Variants in CABLES1 observed in about 807,000 individuals in gnomAD.
CABLES1 encodes CDK5 and ABL1 enzyme substrate 1.
A neutral mutation model predicts 57.8 loss-of-function variants in CABLES1; 36 were observed. That is an observed-to-expected ratio of 0.62 (90% CI 0.48 to 0.82). The LOEUF is 0.82. CABLES1 is among the 40% of genes least tolerant of loss of function. CABLES1 has a pLI of 0.00. For synonymous variants in CABLES1, 374 were observed against 363.0 expected (o/e 1.03, Z -0.35); for missense variants, 767 against 836.6 (o/e 0.92, Z 1.03).
chr18:23,251,872 T>C (rs1351948742), intron 7 of CABLES1, among the ~76,000 whole-genome samples: 1 of 152,022 alleles, frequency 6.6e-6, no homozygotes, highest in East Asian at 1.9e-4. Flanking sequence ...GATCACCTGA[T>C]GTCAGGAGTT....
intron 1 of CABLES1, among the ~76,000 whole-genome samples, chr18:23,179,730 C>T (rs1428898447): frequency 1.3e-5 from 2 of 152,204 alleles, no homozygotes; most frequent in African/African-American, 4.8e-5. Flanking sequence ...TGCTGCTGGA[C>T]AAAGCTTTAG....
intron 1 of CABLES1, among the ~76,000 whole-genome samples, chr18:23,161,653 G>T (rs193055572): frequency 8.7e-5 from 13 of 150,172 alleles, no homozygotes; most frequent in African/African-American, 2.7e-4. Flanking sequence ...GCTCATGCCC[G>T]TAATCCCAGC....
chr18:23,232,881 T>C (rs1193977580), intron 4 of CABLES1, among the ~76,000 whole-genome samples: 1 of 152,218 alleles, frequency 6.6e-6, no homozygotes, highest in African/African-American at 2.4e-5. Flanking sequence ...CTGTTTTTTT[T>C]TCTATATTGG....
chr18:23,257,257 C>G lies in CABLES1; in HGVS notation c.1792C>G (p.Arg598Gly), dbSNP rs895855617. 6.2e-7 allele frequency: 1 copy of G among 1,611,540 alleles called. No homozygotes were observed. Residue 598 changes from arginine to glycine, a missense_variant, in exon 10 of 10, where the codon CGA becomes GGA. This residue lies in a region of CABLES1 where 15 missense variants were observed against 41.0 expected (regional missense o/e 0.37). Transcript: ENST00000256925. ...GGAAGAGAAGTTCCGGCTGAACAGG[C>G]GAGAACTGATTGCCTTTGAATTCCC... ...KLEEKFRLNRRELIAFEFPVL... is the reference protein window; with the variant it reads ...KLEEKFRLNRGELIAFEFPVL...
At chr18:23,154,686 A>T (rs1204820930) in intron 1 of CABLES1, among the ~76,000 whole-genome samples, 2 of 152,126 alleles carry the variant, frequency 1.3e-5, no homozygotes, top group Admixed American at 6.5e-5. Context: ...AAGGGATTTG[A>T]ACTTTAGAGA....
At position 23,234,643 on chromosome 18, in the gene CABLES1, G is replaced by T. The variant is rs975059300; in HGVS notation, c.1124G>T (p.Gly375Val). Residue 375 changes from glycine to valine, a missense_variant, in exon 5 of 10, where the codon GGT becomes GTT. By Grantham distance (109) the Gly-to-Val change is moderately radical. Transcript: ENST00000256925. ...TTGGACGGAGGAAGACAATCAACTG[G>T]TGCAGTGAGTTTGAAAGAGATCATT... is the stretch of plus-strand genomic sequence containing the variant. The part of the protein sequence containing the change: ...LKLDGGRQST[G>V]AVSLKEIIGL... 1.2e-6 allele frequency: 2 copies of T among 1,613,828 alleles called. No homozygotes were observed. Among genetic ancestry groups the T allele is most frequent in the Non-Finnish European group, 1.7e-6 (2 of 1,179,870 alleles).
chr18:23,152,582 T>C (rs2046937970), intron 1 of CABLES1, among the ~76,000 whole-genome samples: 1 of 151,768 alleles, frequency 6.6e-6, no homozygotes, highest in Non-Finnish European at 1.5e-5. Flanking sequence ...CCTCCTGGGT[T>C]CAGGCGATTC....
rs1184010487 is a variant in CABLES1, at chr18:23,161,754, C to CAAAAAAAAAAAAAAAAAA, written c.845+25151_845+25168dup. ...TGAAACCCCGTCTCTACTAAAAATCCAAAAAAAAAAAAAAAAAAAAAGCCA... is the reference window on the plus strand; with the variant it reads ...TGAAACCCCGTCTCTACTAAAAATCCAAAAAAAAAAAAAAAAAAAAAAAAAAAAAAAAAAAAAAAGCCA... On this transcript the variant is annotated intron_variant, in intron 1 of 9. Transcript: ENST00000256925. 6.0e-5 allele frequency among the ~76,000 whole-genome samples: 2 copies of CAAAAAAAAAAAAAAAAAA among 33,154 alleles called. 1 individual carries two copies. The allele number at this position is 33,154 out of a possible 152,430, so 21.8% of individuals were successfully genotyped here.
intron 3 of CABLES1, among the ~76,000 whole-genome samples, chr18:23,196,630 C>T (rs1352134988): frequency 1.3e-5 from 2 of 152,150 alleles, no homozygotes; most frequent in African/African-American, 2.4e-5. Flanking sequence ...TGGAGGCAGC[C>T]GGGGCGTTGG....
chr18:23,174,564 C>T (rs755173512), intron 1 of CABLES1, among the ~76,000 whole-genome samples: 13 of 151,762 alleles, frequency 8.6e-5, no homozygotes, highest in Non-Finnish European at 7.4e-5. Context: ...CTCCACCTCC[C>T]GGGTTCACGC....
intron 1 of CABLES1, among the ~76,000 whole-genome samples, chr18:23,175,506 T>C (rs1441454136): frequency 6.6e-6 from 1 of 152,178 alleles, no homozygotes; most frequent in Non-Finnish European, 1.5e-5. Context: ...TTGCATTGCG[T>C]CTTACTTTGT....
At chr18:23,182,703 G>A (rs75410234) in intron 1 of CABLES1, among the ~76,000 whole-genome samples, 14,219 of 152,264 alleles carry the variant, frequency 0.093, 1,301 homozygotes, top group Admixed American at 0.24. Flanking sequence ...CACGAAGTGG[G>A]CTGGTCCTAA....
chr18:23,183,109 G>C (rs1248035403), intron 1 of CABLES1, among the ~76,000 whole-genome samples: 6 of 152,204 alleles, frequency 3.9e-5, no homozygotes, highest in African/African-American at 1.4e-4. Flanking sequence ...TCATCAGTGT[G>C]GATGGTTGGC....
intron 9 of CABLES1, among the ~76,000 whole-genome samples, chr18:23,256,464 T>C (rs1214318774): frequency 1.3e-5 from 2 of 152,224 alleles, no homozygotes; most frequent in Non-Finnish European, 2.9e-5. Context: ...TTTATTGTCG[T>C]GCGTGGTTTG....
chr18:23,214,109 A>G (rs569197627), intron 4 of CABLES1, 55 bp downstream of exon 4: 141 of 1,207,600 alleles, frequency 1.2e-4, no homozygotes, highest in East Asian at 2.4e-4. Context: ...TCTCACACCA[A>G]TGTACATAAT....
Position 23,258,447 on chromosome 18 carries a change from CTCTT to C in CABLES1, c.*1085_*1088del, listed in dbSNP as rs751443167. ...GTTAAGCTGACTAAGGAGGCGGTGG[CTCTT>C]TCTTAACATTCCCACGTGCCCAGGG... On this transcript the variant is annotated 3_prime_UTR_variant, in exon 10 of 10. Transcript: ENST00000256925. 2 of 152,172 alleles carry C rather than the reference CTCTT, an allele frequency of 1.3e-5. No homozygotes were observed. Among genetic ancestry groups the C allele is most frequent in the African/African-American group, 4.8e-5 (2 of 41,432 alleles). The allele number at this position is 152,172 out of a possible 1,614,324, so 9.4% of individuals were successfully genotyped here. A position where few individuals can be genotyped will look rare whatever the true frequency, so the allele number is the denominator to read the frequency against.
intron 7 of CABLES1, among the ~76,000 whole-genome samples, chr18:23,238,831 T>A (rs1412119761): frequency 2.0e-5 from 3 of 152,250 alleles, no homozygotes; most frequent in Admixed American, 1.3e-4. Context: ...GTTTTCACGT[T>A]GCCCAGCTGT....
chr18:23,247,655 G>A (rs928835084), intron 7 of CABLES1, among the ~76,000 whole-genome samples: 9 of 152,240 alleles, frequency 5.9e-5, no homozygotes, highest in South Asian at 2.1e-4. Flanking sequence ...CTGGGCCGCC[G>A]GGCACCATGT....
At position 23,236,095 on chromosome 18, in the gene CABLES1, A is replaced by G. The variant is rs370288273; in HGVS notation, c.1342+44A>G. ...GGTCTGGTAGCTCGTGGTGGGAGGG[A>G]GGTGCCTCCATTTACATGGGGATTG... On this transcript the variant is annotated intron_variant, in intron 6 of 9. Transcript: ENST00000256925. The G allele has an allele frequency of 9.7e-4, 1,554 of 1,599,040 alleles. 5 individuals carry two copies. The highest frequency in any genetic ancestry group is 1.0e-3 in the Non-Finnish European group (1,213 of 1,172,044).
Sources: allele counts gnomAD v4.1 joint callset (sites outside exome capture counted in the v4.1 genomes callset), GRCh38; gene constraint gnomAD v4.1.1; regional missense constraint gnomAD v4.1.1; transcripts MANE v1.5; gene names NCBI Gene and HGNC (gene_info 2026-07-23, HGNC 2026-07-21).